Variants in NFIA observed in about 807,000 individuals in gnomAD.
The protein encoded by NFIA is nuclear factor 1 A-type.
In NFIA, 8 loss-of-function variants were observed where a neutral mutation model predicts 62.8. That is an observed-to-expected ratio of 0.13 (90% CI 0.07 to 0.23). The LOEUF (loss-of-function observed/expected upper bound fraction) is 0.23, where lower values mean the gene tolerates loss of function less well. Among genes scored for constraint, NFIA ranks in the 10% least tolerant of loss-of-function variants. The pLI, the probability that NFIA is intolerant of heterozygous loss-of-function variation, is 1.00. For synonymous variants in NFIA, 235 were observed against 238.1 expected, an observed-to-expected ratio of 0.99 and a Z score of 0.12; for missense variants, 410 against 642.1, an observed-to-expected ratio of 0.64 and a Z score of 3.91.
intron 2 of NFIA, among the ~76,000 whole-genome samples, chr1:61,257,861 GTT>G (rs58077067): frequency 4.7e-5 from 6 of 126,466 alleles, no homozygotes; most frequent in Non-Finnish European, 9.8e-5. Flanking sequence ...ATGCTTAGCT[GTT>G]TTTTTTTTTT....
intron 2 of NFIA, among the ~76,000 whole-genome samples, chr1:61,249,523 C>T (rs1197906007): frequency 1.3e-5 from 2 of 152,182 alleles, no homozygotes; most frequent in African/African-American, 2.4e-5. Flanking sequence ...AATCCAAGCA[C>T]TTTCAGAGGC....
At chr1:61,425,963 C>A (rs1159064645) in intron 9 of NFIA, among the ~76,000 whole-genome samples, 1 of 152,128 alleles carries the variant, frequency 6.6e-6, no homozygotes, top group African/African-American at 2.4e-5. Context: ...TCCTGGAGAA[C>A]CCATTAGTTC....
intron 5 of NFIA, among the ~76,000 whole-genome samples, chr1:61,357,339 A>T (rs1025468220): frequency 6.6e-6 from 1 of 152,236 alleles, no homozygotes; most frequent in Non-Finnish European, 1.5e-5. Context: ...TCTGCAAGAC[A>T]TTAACCCTTT....
chr1:61,253,840 A>C (rs1448025727), intron 2 of NFIA, among the ~76,000 whole-genome samples: 3 of 152,232 alleles, frequency 2.0e-5, no homozygotes, highest in Non-Finnish European at 2.9e-5. Context: ...GACACTAAAA[A>C]AAAATAAAGC....
intron 2 of NFIA, among the ~76,000 whole-genome samples, chr1:61,143,527 C>CTACA (rs1399472036): frequency 6.6e-6 from 1 of 152,086 alleles, no homozygotes; most frequent in Non-Finnish European, 1.5e-5. Context: ...GTAACTGGGG[C>CTACA]TACAGGTGTC....
At chr1:61,219,837 G>A (rs1463973997) in intron 2 of NFIA, among the ~76,000 whole-genome samples, 3 of 151,664 alleles carry the variant, frequency 2.0e-5, no homozygotes, top group East Asian at 1.9e-4. Flanking sequence ...AGTGGCCCAC[G>A]CCTTAGTCCC....
At chr1:61,206,029 C>T (rs953756845) in intron 2 of NFIA, among the ~76,000 whole-genome samples, 5 of 151,260 alleles carry the variant, frequency 3.3e-5, no homozygotes, top group African/African-American at 1.2e-4. Flanking sequence ...GATCCTCCCT[C>T]CTCAGCCTCC....
intron 4 of NFIA, among the ~76,000 whole-genome samples, chr1:61,336,770 GTT>G (rs983385170): frequency 6.6e-5 from 10 of 152,058 alleles, no homozygotes; most frequent in African/African-American, 2.4e-4. Flanking sequence ...ATCTCTGACT[GTT>G]TTGCAGATTT....
chr1:61,292,486 A>G (rs1040779121), intron 3 of NFIA, among the ~76,000 whole-genome samples: 1 of 152,216 alleles, frequency 6.6e-6, no homozygotes, highest in Admixed American at 6.5e-5. Context: ...GGCAGTGGGC[A>G]TATCCACATA....
intron 2 of NFIA, among the ~76,000 whole-genome samples, chr1:61,200,010 G>GTGTATATATA (rs1264243831): frequency 3.8e-5 from 2 of 52,828 alleles, no homozygotes; most frequent in African/African-American, 6.7e-5. Context: ...ATATATATAT[G>GTGTATATATA]TATATATATA....
intron 3 of NFIA, among the ~76,000 whole-genome samples, chr1:61,327,961 A>G (rs1317553257): frequency 1.3e-5 from 2 of 152,024 alleles, no homozygotes; most frequent in African/African-American, 4.8e-5. Context: ...ATTCTTGTAG[A>G]AGTAAGGTGG....
chr1:61,195,869 T>C (rs1164005356), intron 2 of NFIA, among the ~76,000 whole-genome samples: 1 of 152,124 alleles, frequency 6.6e-6, no homozygotes, highest in African/African-American at 2.4e-5. Context: ...AAATGTGACG[T>C]ATAAAGAAAG....
intron 6 of NFIA, among the ~76,000 whole-genome samples, chr1:61,360,254 T>A (rs1157724227): frequency 1.1e-4 from 17 of 152,178 alleles, no homozygotes; most frequent in African/African-American, 4.1e-4. Context: ...CCCTTTCCAA[T>A]GTCTAACACG....
At chr1:61,216,687 C>CT (rs1653645871) in intron 2 of NFIA, among the ~76,000 whole-genome samples, 1 of 152,120 alleles carries the variant, frequency 6.6e-6, no homozygotes, top group South Asian at 2.1e-4. Flanking sequence ...GTTTAACTGT[C>CT]TGTGTATGTA....
intron 7 of NFIA, among the ~76,000 whole-genome samples, chr1:61,390,808 C>G (rs1035300565): frequency 2.6e-5 from 4 of 152,142 alleles, no homozygotes; most frequent in African/African-American, 9.7e-5. Context: ...TATCATTTAT[C>G]TCTGAATCCC....
chr1:61,104,910 G>A (rs1195529657), intron 2 of NFIA, among the ~76,000 whole-genome samples: 1 of 151,870 alleles, frequency 6.6e-6, no homozygotes, highest in Non-Finnish European at 1.5e-5. Context: ...ATCTTCTTTG[G>A]TGAGCAATCA....
intron 2 of NFIA, among the ~76,000 whole-genome samples, chr1:61,126,646 A>C (rs1004923490): frequency 1.3e-5 from 2 of 152,150 alleles, no homozygotes; most frequent in African/African-American, 2.4e-5. Context: ...CAAGCCATTA[A>C]TAAAAATAAT....
At chr1:61,238,410 G>T (rs187079724) in intron 2 of NFIA, among the ~76,000 whole-genome samples, 4 of 152,132 alleles carry the variant, frequency 2.6e-5, no homozygotes, top group Non-Finnish European at 5.9e-5. Flanking sequence ...AGTCATATGC[G>T]GTATCTTCAG....
chr1:61,197,261 C>CG (rs1375676787), intron 2 of NFIA, among the ~76,000 whole-genome samples: 1 of 105,360 alleles, frequency 9.5e-6, no homozygotes, highest in Non-Finnish European at 1.7e-5. Flanking sequence ...TTTTTTGAGA[C>CG]GGAGTCTCTC....
Sources: allele counts gnomAD v4.1 joint callset (sites outside exome capture counted in the v4.1 genomes callset), GRCh38; gene constraint gnomAD v4.1.1; transcripts MANE v1.5; gene names NCBI Gene and HGNC (gene_info 2026-07-23, HGNC 2026-07-21).